The following ZCCHC2 variants were observed in gnomAD, a reference collection of about 807,000 sequenced individuals.
ZCCHC2 encodes zinc finger CCHC-type containing 2.
In ZCCHC2, 39 loss-of-function variants were observed where a neutral mutation model predicts 103.6. That is an observed-to-expected ratio of 0.38 (90% CI 0.29 to 0.49). The LOEUF is 0.49. Among genes scored for constraint, ZCCHC2 ranks in the 20% least tolerant of loss-of-function variants. The pLI is 0.96. For missense variants in ZCCHC2, 1,483 were observed against 1,491.0 expected (o/e 0.99, Z 0.09); for synonymous variants, 687 against 608.9 (o/e 1.13, Z -1.89).
At position 62,560,629 on chromosome 18, in the gene ZCCHC2, A is replaced by G; in HGVS notation, c.1535A>G (p.Lys512Arg). ...HAIIHKKHTGKSPIVNNIGTS... is the reference protein window; with the variant it reads ...HAIIHKKHTGRSPIVNNIGTS... The stretch of plus-strand genomic sequence containing the variant: ...ATAATCCACAAGAAGCATACTGGGA[A>G]AAGTCCCATTGTGAAGTAAGTATCC... The change falls in exon 8 of 14, where the codon AAA (lysine) becomes AGA (arginine). Residue 512 changes from lysine (K) to arginine (R), a missense_variant. This residue lies in a region of ZCCHC2 where 884 missense variants were observed against 907.5 expected (regional missense o/e 0.97). Coordinates refer to ENST00000269499, the MANE Select transcript of ZCCHC2 (RefSeq NM_017742.6). 1 of 1,613,340 alleles carries G rather than the reference A, an allele frequency of 6.2e-7. No individual in the cohort carries two copies. Among genetic ancestry groups the G allele is most frequent in the Non-Finnish European group, 8.5e-7 (1 of 1,179,518 alleles).
intron 4 of ZCCHC2, among the ~76,000 whole-genome samples, chr18:62,546,672 G>T (rs917394746): frequency 1.3e-5 from 2 of 152,230 alleles, no homozygotes; most frequent in African/African-American, 4.8e-5. Flanking sequence ...CTGACCCCCA[G>T]CTGAGGCCTA....
intron 11 of ZCCHC2, among the ~76,000 whole-genome samples, chr18:62,567,944 C>A (rs868633058): frequency 4.9e-4 from 40 of 81,426 alleles, no homozygotes; most frequent in East Asian, 2.2e-3. Context: ...GACTCTGTCT[C>A]AAAAAAAAAA....
intron 4 of ZCCHC2, among the ~76,000 whole-genome samples, chr18:62,547,182 C>G (rs921593988): frequency 2.0e-5 from 3 of 151,982 alleles, no homozygotes; most frequent in Admixed American, 6.6e-5. Flanking sequence ...AAAAATTAGC[C>G]AGGCATGGTG....
rs1441837046 is a variant in ZCCHC2 at position 62,565,045 on chromosome 18, A to T, written c.1795A>T (p.Asn599Tyr). ...TGACAACAGATTGAATAGTAGAATA[A>T]ATGGTATTAGACTCTCCACTCCTCA... ...KTDNRLNSRINGIRLSTPQHA... is the reference protein window; with the variant it reads ...KTDNRLNSRIYGIRLSTPQHA... Residue 599 changes from asparagine to tyrosine, a missense_variant, in exon 11 of 14, where the codon AAT becomes TAT. Around this residue, in one of 3 missense-constraint regions of ZCCHC2, gnomAD observed 884 missense variants for 907.5 expected, o/e 0.97. Transcript: ENST00000269499. 1 of 1,613,736 alleles carries T rather than the reference A, an allele frequency of 6.2e-7. No individual in the cohort carries two copies. The highest frequency in any genetic ancestry group is 1.1e-5 in the South Asian group (1 of 91,056).
downstream of ZCCHC2, among the ~76,000 whole-genome samples, chr18:62,579,546 CCT>C (rs1916985958): frequency 6.6e-6 from 1 of 152,094 alleles, no homozygotes; most frequent in Non-Finnish European, 1.5e-5. Context: ...TTATAAATTC[CCT>C]GATTGTTTAC....
At chr18:62,524,556 AC>A in intron 1 of ZCCHC2, 193 bp downstream of exon 1, 1 of 752,412 alleles carries the variant, frequency 1.3e-6, no homozygotes, top group Non-Finnish European at 1.9e-6. Flanking sequence ...CCCCCACCCC[AC>A]CCCACACCCC....
chr18:62,561,797 TTTG>T (rs1170969159), intron 8 of ZCCHC2, among the ~76,000 whole-genome samples: 1 of 152,190 alleles, frequency 6.6e-6, no homozygotes, highest in Admixed American at 6.5e-5. Flanking sequence ...CTTTTAAGGT[TTTG>T]TTGTTGTCTG....
chr18:62,539,569 C>T, intron 1 of ZCCHC2, 112 bp from the exon 2 acceptor site: 1 of 788,856 alleles, frequency 1.3e-6, no homozygotes, highest in Non-Finnish European at 2.1e-6. Context: ...ACCTATTGGA[C>T]CTCTAAAAAT....
chr18:62,557,613 T>C (rs1915949146), intron 6 of ZCCHC2, among the ~76,000 whole-genome samples: 1 of 152,248 alleles, frequency 6.6e-6, no homozygotes, highest in African/African-American at 2.4e-5. Flanking sequence ...AGAATCCTGA[T>C]CATTCTGTAG....
Position 62,577,738 on chromosome 18 carries a change from ATGC to A in ZCCHC2, c.*1165_*1167del, listed in dbSNP as rs989561606. On this transcript the variant is annotated 3_prime_UTR_variant, in exon 14 of 14. Coordinates refer to ENST00000269499, the MANE Select transcript of ZCCHC2 (RefSeq NM_017742.6). ...TGTCGGTGTCATGTCACTAAGTTTA[ATGC>A]TGCTGTTTTTAAAAAAAAAAAAAAG... is the stretch of plus-strand genomic sequence containing the variant. 7.0e-6 allele frequency: 1 copy of A among 141,968 alleles called. No homozygotes were observed. Among genetic ancestry groups the A allele is most frequent in the African/African-American group, 2.7e-5 (1 of 37,124 alleles). The allele number at this position is 141,968 out of a possible 1,614,324, so 8.8% of individuals were successfully genotyped here.
At chr18:62,542,311 G>T (rs1176943597) in intron 2 of ZCCHC2, among the ~76,000 whole-genome samples, 187 bp from the exon 3 acceptor site, 2 of 152,030 alleles carry the variant, frequency 1.3e-5, no homozygotes. Context: ...ATGGGTGGAT[G>T]GCACATTGCT....
chr18:62,529,889 C>T (rs1472287295), intron 1 of ZCCHC2, among the ~76,000 whole-genome samples: 1 of 152,176 alleles, frequency 6.6e-6, no homozygotes, highest in African/African-American at 2.4e-5. Flanking sequence ...AAATATTGCA[C>T]GTGTACTGAA....
At chr18:62,528,696 G>A (rs1286892007) in intron 1 of ZCCHC2, among the ~76,000 whole-genome samples, 1 of 152,090 alleles carries the variant, frequency 6.6e-6, no homozygotes, top group Non-Finnish European at 1.5e-5. Context: ...CGCAATATAG[G>A]AAACATACTG....
chr18:62,582,693 G>A (rs1394743112), downstream of ZCCHC2, among the ~76,000 whole-genome samples: 2 of 151,870 alleles, frequency 1.3e-5, no homozygotes, highest in Non-Finnish European at 2.9e-5. Flanking sequence ...ATAAATAATG[G>A]CTCTGAAGGT....
intron 1 of ZCCHC2, 23 bp from the exon 2 acceptor site, chr18:62,539,658 G>A (rs750654363): frequency 3.9e-5 from 60 of 1,544,842 alleles, no homozygotes; most frequent in Admixed American, 1.5e-4. Context: ...TTAAGTTAAC[G>A]TATCTCCCTC....
At chr18:62,551,189 G>T (rs1358614284) in intron 5 of ZCCHC2, 1 of 152,012 alleles carries the variant, frequency 6.6e-6, no homozygotes, top group Non-Finnish European at 1.5e-5. Context: ...TTGAGGGTGT[G>T]GGATCACATG....
At chr18:62,582,927 A>T (rs918632696), downstream of ZCCHC2, among the ~76,000 whole-genome samples, 4 of 152,040 alleles carry the variant, frequency 2.6e-5, no homozygotes, top group Admixed American at 2.6e-4. Context: ...AACATGACGA[A>T]ACCCCATCTC....
At chr18:62,525,179 T>C (rs1914318705) in intron 1 of ZCCHC2, 1 of 152,234 alleles carries the variant, frequency 6.6e-6, no homozygotes, top group Non-Finnish European at 1.5e-5. Flanking sequence ...TAGGCGTTAA[T>C]GTTGCCCAAA....
At chr18:62,545,453 T>A (rs1475903422) in intron 4 of ZCCHC2, among the ~76,000 whole-genome samples, 2 of 152,020 alleles carry the variant, frequency 1.3e-5, no homozygotes, top group African/African-American at 4.8e-5. Context: ...TCACCCCCCA[T>A]ATGATAGAAT....
Sources: allele counts gnomAD v4.1 joint callset (sites outside exome capture counted in the v4.1 genomes callset), GRCh38; gene constraint gnomAD v4.1.1; regional missense constraint gnomAD v4.1.1; transcripts MANE v1.5; gene names NCBI Gene and HGNC (gene_info 2026-07-23, HGNC 2026-07-21).